The following AHCTF1 variants were observed in gnomAD, a reference collection of about 807,000 sequenced individuals.
The protein encoded by AHCTF1 is protein ELYS.
AHCTF1 carries 24 observed loss-of-function variants against 248.4 expected under a neutral mutation model. The ratio of observed to expected loss-of-function variants is 0.10; its 90% CI spans 0.07 to 0.14. The LOEUF (loss-of-function observed/expected upper bound fraction) is 0.14, where lower values mean the gene tolerates loss of function less well. Ranked by LOEUF, AHCTF1 falls within the 10% of genes least tolerant of loss-of-function variation. The pLI is 1.00. For synonymous variants in AHCTF1, 786 were observed against 929.8 expected (o/e 0.85, Z 2.81); for missense variants, 2,206 against 2,636.2 (o/e 0.84, Z 3.57).
intron 1 of AHCTF1, among the ~76,000 whole-genome samples, chr1:246,926,445 C>CA (rs1553306514): frequency 6.6e-6 from 1 of 151,986 alleles, no homozygotes; most frequent in African/African-American, 2.4e-5. Flanking sequence ...CAAAGGAGTT[C>CA]AAAAAAATGT....
At chr1:246,876,836 AAGGTAATGCT>A in intron 23 of AHCTF1, 104 bp downstream of exon 23, 1 of 1,290,830 alleles carries the variant, frequency 7.7e-7, no homozygotes, top group East Asian at 2.3e-5. Flanking sequence ...CTCCAAGTTC[AAGGTAATGCT>A]AGGCACAGTG....
chr1:246,869,034 CG>C (rs902990004), intron 24 of AHCTF1, among the ~76,000 whole-genome samples: 4 of 151,202 alleles, frequency 2.6e-5, no homozygotes, highest in South Asian at 2.1e-4. Flanking sequence ...TTAGTAGAGA[CG>C]GGGTTTCACC....
rs761258194 is a variant in AHCTF1, at chr1:246,849,669, G to A, written c.6337C>T (p.Pro2113Ser). Residue 2113 changes from proline to serine, a missense_variant, in exon 33 of 36, where the codon CCA becomes TCA. Transcript: ENST00000648844. ...GGAGAAAATAAAGGCTCATTGTTTG[G>A]TTCAGAAAGGTCCGGCAACAAGATG... ...KAILLPDLSE[P>S]NNEPLFSPAS... 13 of 1,613,782 alleles carry A rather than the reference G, an allele frequency of 8.1e-6. No individual in the cohort carries two copies. Among genetic ancestry groups the A allele is most frequent in the Middle Eastern group, 1.6e-4 (1 of 6,078 alleles).
chr1:246,892,475 A>G (rs1664279960), intron 14 of AHCTF1, among the ~76,000 whole-genome samples: 1 of 150,670 alleles, frequency 6.6e-6, no homozygotes, highest in Non-Finnish European at 1.5e-5. Flanking sequence ...CATGTGCCAC[A>G]ACACCCAGCT....
At chr1:246,841,955 ATTT>A (rs1211083487) in intron 35 of AHCTF1, among the ~76,000 whole-genome samples, 1 of 124,286 alleles carries the variant, frequency 8.0e-6, no homozygotes, top group African/African-American at 3.1e-5. Context: ...CGCCCAGCTA[ATTT>A]TTTTTTTTTT....
intron 34 of AHCTF1, among the ~76,000 whole-genome samples, 166 bp downstream of exon 34, chr1:246,843,629 C>A (rs1660030447): frequency 6.6e-6 from 1 of 151,918 alleles, no homozygotes; most frequent in East Asian, 1.9e-4. Flanking sequence ...TGGATACGAC[C>A]ATTTTTGGCT....
At chr1:246,895,347 T>C (rs1664497157) in intron 13 of AHCTF1, among the ~76,000 whole-genome samples, 1 of 152,222 alleles carries the variant, frequency 6.6e-6, no homozygotes, top group Non-Finnish European at 1.5e-5. Flanking sequence ...TGATGGCTTA[T>C]CATCAAATGG....
intron 5 of AHCTF1, 98 bp from the exon 6 acceptor site, chr1:246,905,755 C>G (rs915245326): frequency 4.3e-5 from 36 of 833,258 alleles, no homozygotes; most frequent in Non-Finnish European, 6.6e-5. Flanking sequence ...ACTGTTCCTA[C>G]ACTTCCCCAG....
At chr1:246,868,982 C>G (rs929336582) in intron 24 of AHCTF1, among the ~76,000 whole-genome samples, 2 of 142,806 alleles carry the variant, frequency 1.4e-5, no homozygotes, top group Non-Finnish European at 3.1e-5. Flanking sequence ...GTAGCTGGGA[C>G]TACAGGCGCC....
intron 4 of AHCTF1, among the ~76,000 whole-genome samples, chr1:246,908,567 CA>C (rs1282436125): frequency 6.6e-6 from 1 of 151,952 alleles, no homozygotes; most frequent in African/African-American, 2.4e-5. Context: ...CATCATTTTG[CA>C]GCCCTTAATG....
chr1:246,930,879 T>G lies in AHCTF1; in HGVS notation c.-8+699A>C, dbSNP rs943029225. Reference sequence around the variant, plus strand: ...AAAATAACGCTCATCTCATAAAACTTTGCACACAGATAGTATGAACCTCGT... The same window carrying G: ...AAAATAACGCTCATCTCATAAAACTGTGCACACAGATAGTATGAACCTCGT... On this transcript the variant is annotated intron_variant, in intron 1 of 35. Coordinates refer to ENST00000648844, the MANE Select transcript of AHCTF1 (RefSeq NM_001323342.2). Among the ~76,000 whole-genome samples the G allele has an allele frequency of 3.3e-5, 5 of 152,156 alleles. 1 individual carries two copies. Among genetic ancestry groups the G allele is most frequent in the Admixed American group, 2.6e-4 (4 of 15,278 alleles).
chr1:246,877,204 C>A lies in AHCTF1; in HGVS notation c.2759G>T (p.Gly920Val), dbSNP rs541763787. 2.3e-5 allele frequency: 37 copies of A among 1,613,408 alleles called. No homozygotes were observed. In the South Asian group the frequency reaches 3.7e-4, roughly 16 times the overall value. Reference protein sequence around the residue: ...KHMYEVCQEMGLMEDLLKLPF... With the variant: ...KHMYEVCQEMVLMEDLLKLPF... ...TAACTTCAGTAAATCTTCCATCAAG[C>A]CCATTTCCTGACAGACTTCATACAT... Residue 920 changes from glycine to valine, a missense_variant, in exon 22 of 36, where the codon GGC (glycine) becomes GTC (valine). Transcript: ENST00000648844.
chr1:246,849,702 T>C lies in AHCTF1; in HGVS notation c.6304A>G (p.Ser2102Gly). Residue 2102 changes from serine to glycine, a missense_variant, in exon 33 of 36, where the codon AGC becomes GGC. Physicochemically the swap from Ser to Gly is moderately conservative, Grantham distance 56. Transcript: ENST00000648844. ...AGGTCCGGCAACAAGATGGCCTTGC[T>C]AGACCGAGTCCTGCTGCTGCGGGAT... ...KSSRSSRTRS[S>G]KAILLPDLSE... The C allele has an allele frequency of 6.2e-7, 1 of 1,614,032 alleles. No homozygotes were observed. Among genetic ancestry groups the C allele is most frequent in the Non-Finnish European group, 8.5e-7 (1 of 1,179,870 alleles).
chr1:246,917,324 A>T (rs1197729948), intron 2 of AHCTF1, among the ~76,000 whole-genome samples: 1 of 152,210 alleles, frequency 6.6e-6, no homozygotes, highest in African/African-American at 2.4e-5. Context: ...TGCTTGAGCA[A>T]CCAGATGAAT....
In AHCTF1 at chr1:246,918,366, C is replaced by A; in HGVS notation, c.5G>T (p.Arg2Leu). The A allele has an allele frequency of 6.2e-7, 1 of 1,609,856 alleles. No individual in the cohort carries two copies. The highest frequency in any genetic ancestry group is 1.7e-5 in the Admixed American group (1 of 59,524). Residue 2 changes from arginine to leucine, a missense_variant, in exon 2 of 36, where the codon CGA becomes CTA. Transcript: ENST00000648844. M[R>L]DLRAQVTSGL... ...ACTAGTCACTTGAGCTCTTAAGTCT[C>A]GCATACTTCCACTGTAAATATTTTT...
chr1:246,856,696 T>C (rs1011307117), intron 30 of AHCTF1, among the ~76,000 whole-genome samples: 1 of 152,116 alleles, frequency 6.6e-6, no homozygotes, highest in Admixed American at 6.5e-5. Flanking sequence ...AATGAAAAAA[T>C]AATTTGGATA....
chr1:246,902,696 A>T, intron 7 of AHCTF1, 21 bp from the exon 8 acceptor site: 3 of 1,562,242 alleles, frequency 1.9e-6, no homozygotes, highest in Non-Finnish European at 2.6e-6. Flanking sequence ...AAATACACGC[A>T]AATATTAATC....
intron 24 of AHCTF1, among the ~76,000 whole-genome samples, chr1:246,875,489 G>C (rs1194695976): frequency 6.6e-6 from 1 of 152,228 alleles, no homozygotes. Context: ...TTTGAGAGGA[G>C]TGACTCATTT....
chr1:246,902,402 T>C, intron 8 of AHCTF1, 123 bp downstream of exon 8: 1 of 1,236,418 alleles, frequency 8.1e-7, no homozygotes. Flanking sequence ...TAGAACTGAA[T>C]AAATTCCGTT....
Sources: gnomAD v4.1 joint callset for allele counts (sites outside exome capture counted in the v4.1 genomes callset) on GRCh38, gnomAD v4.1.1 for gene constraint, MANE v1.5 for transcripts, NCBI Gene and HGNC (gene_info 2026-07-23, HGNC 2026-07-21) for gene names.